Variants in HYDIN observed in about 807,000 individuals in gnomAD.
The protein encoded by HYDIN is HYDIN axonemal central pair apparatus protein.
Under a neutral mutation model 403.9 loss-of-function variants are expected in HYDIN, and 132 were observed. The ratio of observed to expected loss-of-function variants is 0.33; its 90% CI spans 0.28 to 0.38. HYDIN has a LOEUF of 0.38. HYDIN is among the 10% of genes least tolerant of loss of function. The probability of loss-of-function intolerance (pLI) is 1.00; values close to 1 mark genes in which losing one functional copy is unlikely to be tolerated. For synonymous variants in HYDIN, 1,202 were observed against 1,891.7 expected, an observed-to-expected ratio of 0.64 and a Z score of 9.46; for missense variants, 2,827 against 5,009.5, an observed-to-expected ratio of 0.56 and a Z score of 13.15.
At chr16:71,217,106 T>C (rs1036308013) in intron 1 of HYDIN, among the ~76,000 whole-genome samples, 8 of 152,254 alleles carry the variant, frequency 5.3e-5, no homozygotes, top group Admixed American at 1.3e-4. Context: ...CAAACTTGCA[T>C]TGACTGTTAA....
intron 1 of HYDIN, among the ~76,000 whole-genome samples, chr16:71,196,931 CA>C (rs1171959060): frequency 1.3e-5 from 2 of 152,156 alleles, no homozygotes; most frequent in Non-Finnish European, 2.9e-5. Context: ...AATAAATAAA[CA>C]TAAAAATGGG....
At position 70,840,309 on chromosome 16, in the gene HYDIN, C is replaced by T. The variant is rs1799635; in HGVS notation, c.12874-76G>A. ...AGGGCTCTTAAGTCCTCAGGTGAAGCAGGAAAGCAGTTGGTGCTTTAACAA... is the reference window on the plus strand; with the variant it reads ...AGGGCTCTTAAGTCCTCAGGTGAAGTAGGAAAGCAGTTGGTGCTTTAACAA... On this transcript the variant is annotated intron_variant, in intron 75 of 85. Transcript: ENST00000393567. 0.031 allele frequency: 38,052 copies of T among 1,209,992 alleles called. 5,159 individuals are homozygous for T. The African/African-American group carries it at 0.41, about 13-fold the overall frequency. The allele number at this position is 1,209,992 out of a possible 1,614,324, so 75.0% of individuals were successfully genotyped here. A position where few individuals can be genotyped will look rare whatever the true frequency, so the allele number is the denominator to read the frequency against.
intron 1 of HYDIN, among the ~76,000 whole-genome samples, chr16:71,227,879 C>T (rs1033437286): frequency 6.6e-6 from 1 of 152,134 alleles, no homozygotes; most frequent in Non-Finnish European, 1.5e-5. Flanking sequence ...AAGAACAAAG[C>T]CAGAGGCATC....
At chr16:70,989,215 A>G (rs368759142) in intron 25 of HYDIN, among the ~76,000 whole-genome samples, 4 of 152,186 alleles carry the variant, frequency 2.6e-5, no homozygotes, top group Non-Finnish European at 5.9e-5. Flanking sequence ...GCAGGCGTGC[A>G]CCACCACACC....
Position 70,882,891 on chromosome 16 carries a change from G to A in HYDIN, c.9984C>T (p.Phe3328=), listed in dbSNP as rs751933188. The change falls in exon 60 of 86, where the codon TTC becomes TTT. Residue 3328 remains phenylalanine (F), a synonymous_variant. Coordinates refer to ENST00000393567, the MANE Select transcript of HYDIN (RefSeq NM_001270974.2). Reference sequence around the variant, plus strand: ...ATATCAAGGCATTGTTTTCGGTCACGAAGGCTGGGGAGTGAAGGGGAGACC... The same window carrying A: ...ATATCAAGGCATTGTTTTCGGTCACAAAGGCTGGGGAGTGAAGGGGAGACC... The part of the protein sequence containing the change: ...TLLAEACLPA[F]VTENNALIFE... 2.7e-5 allele frequency: 42 copies of A among 1,583,242 alleles called. No homozygotes were observed. Among genetic ancestry groups the A allele is most frequent in the African/African-American group, 1.2e-4 (9 of 74,342 alleles).
intron 8 of HYDIN, 56 bp from the exon 9 acceptor site, chr16:71,129,879 A>G: frequency 1.9e-6 from 3 of 1,563,486 alleles, no homozygotes; most frequent in South Asian, 2.4e-5. Context: ...AGAACTTTGT[A>G]AAGGGCTTCC....
chr16:71,056,282 C>T (rs1027762595), intron 18 of HYDIN, among the ~76,000 whole-genome samples: 1 of 152,048 alleles, frequency 6.6e-6, no homozygotes, highest in Non-Finnish European at 1.5e-5. Context: ...GGTCACAGAA[C>T]ATTCTTCCTT....
At chr16:70,891,440 T>C (rs996478648) in intron 57 of HYDIN, among the ~76,000 whole-genome samples, 11 of 152,258 alleles carry the variant, frequency 7.2e-5, no homozygotes, top group Non-Finnish European at 1.3e-4. Context: ...CTGCCCGCCT[T>C]GGCCTCCCAA....
At chr16:71,227,282 C>T (rs1271449123) in intron 1 of HYDIN, among the ~76,000 whole-genome samples, 1 of 152,008 alleles carries the variant, frequency 6.6e-6, no homozygotes, top group Non-Finnish European at 1.5e-5. Flanking sequence ...CATCATTAAT[C>T]ACCAGGAAAT....
chr16:70,851,203 C>CAAAAAA (rs4028101), intron 73 of HYDIN, among the ~76,000 whole-genome samples: 11 of 22,134 alleles, frequency 5.0e-4, no homozygotes, highest in African/African-American at 1.4e-3. Context: ...ATCAATCCTG[C>CAAAAAA]AAAAAAAAAA....
chr16:71,094,067 C>CA (rs1223250951), intron 10 of HYDIN, 132 bp from the exon 11 acceptor site: 1 of 615,964 alleles, frequency 1.6e-6, no homozygotes, highest in Non-Finnish European at 2.6e-6. Context: ...GAGGGAACTG[C>CA]AATTTAACTA....
chr16:70,954,392 GCA>G (rs2078162624), intron 40 of HYDIN, among the ~76,000 whole-genome samples: 1 of 132,044 alleles, frequency 7.6e-6, no homozygotes, highest in Non-Finnish European at 1.6e-5. Context: ...CCAGGAGGCT[GCA>G]GTGAGCTATG....
intron 3 of HYDIN, 26 bp downstream of exon 3, chr16:71,184,839 A>G (rs1194215871): frequency 6.4e-7 from 1 of 1,557,582 alleles, no homozygotes; most frequent in Non-Finnish European, 8.7e-7. Context: ...CCCACTTTAT[A>G]TGTAAGTACG....
chr16:70,931,757 G>A (rs2077341716), intron 45 of HYDIN, among the ~76,000 whole-genome samples: 1 of 152,182 alleles, frequency 6.6e-6, no homozygotes, highest in Admixed American at 6.5e-5. Flanking sequence ...GCTCATGCCT[G>A]TAATCCCAGC....
chr16:70,966,846 T>C (rs573142968), intron 36 of HYDIN, among the ~76,000 whole-genome samples: 5 of 151,358 alleles, frequency 3.3e-5, no homozygotes, highest in Non-Finnish European at 4.4e-5. Context: ...ACTGTAAGGA[T>C]TGGTGTTGGG....
At chr16:71,197,339 C>T (rs1217892228) in intron 1 of HYDIN, among the ~76,000 whole-genome samples, 3 of 152,116 alleles carry the variant, frequency 2.0e-5, no homozygotes, top group Non-Finnish European at 4.4e-5. Context: ...CTCAGTGATA[C>T]GGTTACTAGC....
chr16:70,831,529 C>CAAAAAAAAAAA (rs57465488), intron 80 of HYDIN, among the ~76,000 whole-genome samples: 1 of 91,558 alleles, frequency 1.1e-5, no homozygotes, highest in Non-Finnish European at 2.3e-5. Context: ...AAAAAAAAAC[C>CAAAAAAAAAAA]AAAAAAAAAA....
rs540637922 is a variant in HYDIN, at chr16:70,905,152, C to G, written c.8517-1088G>C. On this transcript the variant is annotated intron_variant, in intron 50 of 85. Transcript: ENST00000393567. ...ATGAAAGGAGAGAGAATGACAGAGACCAAATGAGAGTCAGTGAAACAGAGA... is the reference window on the plus strand; with the variant it reads ...ATGAAAGGAGAGAGAATGACAGAGAGCAAATGAGAGTCAGTGAAACAGAGA... Among the ~76,000 whole-genome samples the G allele has an allele frequency of 2.0e-5, 3 of 152,216 alleles. No homozygotes were observed. The East Asian group carries it at 5.8e-4, about 29-fold the overall frequency.
intron 47 of HYDIN, among the ~76,000 whole-genome samples, chr16:70,917,071 TGCC>T (rs2076862927): frequency 6.6e-6 from 1 of 151,974 alleles, no homozygotes; most frequent in African/African-American, 2.4e-5. Context: ...TACAGGTGCA[TGCC>T]ACCATGCCCG....
Sources: allele counts gnomAD v4.1 joint callset (sites outside exome capture counted in the v4.1 genomes callset), GRCh38; gene constraint gnomAD v4.1.1; transcripts MANE v1.5; gene names NCBI Gene and HGNC (gene_info 2026-07-23, HGNC 2026-07-21).